Variants in ERF observed in about 807,000 individuals in gnomAD.
ERF encodes the protein ETS2 repressor factor.
A neutral mutation model predicts 41.6 loss-of-function variants in ERF; 10 were observed. The ratio of observed to expected loss-of-function variants is 0.24; its 90% CI spans 0.15 to 0.41. The LOEUF (loss-of-function observed/expected upper bound fraction) is 0.41, where lower values mean the gene tolerates loss of function less well. Ranked by LOEUF, ERF falls within the 10% of genes least tolerant of loss-of-function variation. The pLI is 1.00. For synonymous variants in ERF, 395 were observed against 342.4 expected, an observed-to-expected ratio of 1.15 and a Z score of -1.70; for missense variants, 621 against 763.2, an observed-to-expected ratio of 0.81 and a Z score of 2.19.
chr19:42,251,309 G>A (rs2036441478), intron 1 of ERF: 1 of 986,128 alleles, frequency 1.0e-6, no homozygotes, highest in East Asian at 1.1e-4. Flanking sequence ...GCACCCTGGA[G>A]CTGTCACCCT....
intron 1 of ERF, among the ~76,000 whole-genome samples, chr19:42,253,309 A>G (rs2036475450): frequency 6.6e-6 from 1 of 152,138 alleles, no homozygotes; most frequent in Non-Finnish European, 1.5e-5. Flanking sequence ...CACGGCAGAG[A>G]GAGGGACCGG....
rs890686923 is a variant in ERF, at chr19:42,249,359, C to T, written c.753G>A (p.Ser251=). The change falls in exon 4 of 4, where the codon TCG becomes TCA. Residue 251 remains serine (S), a synonymous_variant. Coordinates refer to ENST00000222329, the MANE Select transcript of ERF (RefSeq NM_006494.4). The surrounding 1 kb of genome is among the most constrained non-coding windows in gnomAD (Gnocchi z 8.6). The part of the protein sequence containing the change: ...GPEPLSPFPV[S]PLAGPGSLLP... ...GCAGGGATCCAGGACCGGCCAGAGGCGACACAGGGAAGGGGCTGAGGGGTT... is the reference window on the plus strand; with the variant it reads ...GCAGGGATCCAGGACCGGCCAGAGGTGACACAGGGAAGGGGCTGAGGGGTT... 3.8e-6 allele frequency: 6 copies of T among 1,575,246 alleles called. No individual in the cohort carries two copies. The highest frequency in any genetic ancestry group is 2.3e-5 in the South Asian group (2 of 86,792).
Position 42,248,572 on chromosome 19 carries a change from G to A in ERF, c.1540C>T (p.Arg514Cys), listed in dbSNP as rs764618715. 1.3e-5 allele frequency: 21 copies of A among 1,571,892 alleles called. No individual in the cohort carries two copies. Among genetic ancestry groups the A allele is most frequent in the African/African-American group, 4.1e-5 (3 of 73,374 alleles). Residue 514 changes from arginine (R) to cysteine (C), a missense_variant, in exon 4 of 4, where the codon CGT (arginine) becomes TGT (cysteine). Physicochemically the swap from Arg to Cys is radical, Grantham distance 180. Around this residue, in one of 3 missense-constraint regions of ERF, gnomAD observed 569 missense variants for 625.5 expected, o/e 0.91. Coordinates refer to ENST00000222329, the MANE Select transcript of ERF (RefSeq NM_006494.4). This position sits in a 1 kb window ranked among gnomAD's most constrained non-coding sequence, Gnocchi z 4.2. The part of the protein sequence containing the change: ...FEDEGEDKKV[R>C]GEGPGEAGGP... ...CCAGCCTCCCCAGGCCCCTCCCCACGCACCTTCTTGTCCTCACCCTCATCC... is the reference window on the plus strand; with the variant it reads ...CCAGCCTCCCCAGGCCCCTCCCCACACACCTTCTTGTCCTCACCCTCATCC...
In ERF at chr19:42,249,739, C is replaced by A; in HGVS notation, c.374-1G>T. 1 of 1,606,374 alleles carries A rather than the reference C, an allele frequency of 6.2e-7. No individual in the cohort carries two copies. On this transcript the variant is annotated splice_acceptor_variant, in intron 3 of 3. Coordinates refer to ENST00000222329, the MANE Select transcript of ERF (RefSeq NM_006494.4). LOFTEE classifies it high-confidence loss of function. The surrounding 1 kb of genome is among the most constrained non-coding windows in gnomAD (Gnocchi z 8.6). Reference sequence around the variant, plus strand: ...GGGGCACTCTGGGGCACTGCACCCCCTGGCAGAAGGGAGACAGTGTCAAGG... The same window carrying A: ...GGGGCACTCTGGGGCACTGCACCCCATGGCAGAAGGGAGACAGTGTCAAGG...
In ERF at chr19:42,250,775, G is replaced by A. The variant is rs1354094855; in HGVS notation, c.23-210C>T. Among the ~76,000 whole-genome samples, 1 of 152,200 alleles carries A rather than the reference G, an allele frequency of 6.6e-6. No homozygotes were observed. The highest frequency in any genetic ancestry group is 2.1e-4 in the South Asian group (1 of 4,812). On this transcript the variant is annotated intron_variant, in intron 1 of 3. Coordinates refer to ENST00000222329, the MANE Select transcript of ERF (RefSeq NM_006494.4). This position sits in a 1 kb window ranked among gnomAD's most constrained non-coding sequence, Gnocchi z 5.1. ...AGGAGCTGGGGGGGAGGGGAAGCTG[G>A]AGCCCGCTCCAGCGACACCGGGAGA... is the stretch of plus-strand genomic sequence containing the variant.
intron 1 of ERF, chr19:42,253,841 C>G (rs999384673): frequency 1.9e-6 from 2 of 1,055,550 alleles, no homozygotes; most frequent in Non-Finnish European, 2.3e-6. Context: ...GGGGCACACA[C>G]CCGCACACAG....
Position 42,250,994 on chromosome 19 carries a change from C to T in ERF, c.23-429G>A, listed in dbSNP as rs570779632. On this transcript the variant is annotated intron_variant, in intron 1 of 3. Transcript: ENST00000222329. This position sits in a 1 kb window ranked among gnomAD's most constrained non-coding sequence, Gnocchi z 5.1. The stretch of plus-strand genomic sequence containing the variant: ...TGCACCACCCCAGCTCCTCGGATGT[C>T]CTCCTTAGAAACATGCACTGTCTCC... Among the ~76,000 whole-genome samples, 4 of 152,262 alleles carry T rather than the reference C, an allele frequency of 2.6e-5. No individual in the cohort carries two copies. Among genetic ancestry groups the T allele is most frequent in the African/African-American group, 9.6e-5 (4 of 41,550 alleles).
rs780879505 is a variant in ERF, at chr19:42,249,873, G to C, written c.327C>G (p.Asn109Lys). ...GKRFTYKFNF[N>K]KLVLVNYPFI... ...ATGGGTAATTGACCAGCACCAGTTT[G>C]TTGAAATTGAACTTGTAGGTGAACC... Residue 109 changes from asparagine (N) to lysine (K), a missense_variant, in exon 3 of 4, where the codon AAC (asparagine) becomes AAG (lysine). Physicochemically the swap from Asn to Lys is moderately conservative, Grantham distance 94. Around this residue, in one of 3 missense-constraint regions of ERF, gnomAD observed 569 missense variants for 625.5 expected, o/e 0.91. Transcript: ENST00000222329. This position sits in a 1 kb window ranked among gnomAD's most constrained non-coding sequence, Gnocchi z 8.6. The C allele has an allele frequency of 1.2e-6, 2 of 1,614,138 alleles. No individual in the cohort carries two copies. The highest frequency in any genetic ancestry group is 8.5e-7 in the Non-Finnish European group (1 of 1,180,020).
chr19:42,248,432 G>T lies in ERF; in HGVS notation c.*33C>A, dbSNP rs573630865. The stretch of plus-strand genomic sequence containing the variant: ...TAAGGCAGCAAAAGAAGCATGGGGG[G>T]TGCGGGGCACACAGGTCCCCTGCCC... On this transcript the variant is annotated 3_prime_UTR_variant, in exon 4 of 4. Coordinates refer to ENST00000222329, the MANE Select transcript of ERF (RefSeq NM_006494.4). This position sits in a 1 kb window ranked among gnomAD's most constrained non-coding sequence, Gnocchi z 4.2. 18 of 1,449,178 alleles carry T rather than the reference G, an allele frequency of 1.2e-5. No homozygotes were observed. The South Asian group carries it at 2.9e-4, about 23-fold the overall frequency. 89.8% of individuals were successfully genotyped at this position (1,449,178 alleles called of 1,614,324 possible).
chr19:42,253,142 G>A (rs1439357238), intron 1 of ERF, among the ~76,000 whole-genome samples: 1 of 152,158 alleles, frequency 6.6e-6, no homozygotes, highest in Non-Finnish European at 1.5e-5. Flanking sequence ...CTCACGTGAC[G>A]GCCCAAACTT....
intron 1 of ERF, chr19:42,253,728 G>C (rs1599828582): frequency 2.6e-6 from 1 of 389,406 alleles, no homozygotes; most frequent in Non-Finnish European, 3.5e-6. Context: ...ATCCCAGCTC[G>C]GAGCCCTTTA....
Position 42,249,946 on chromosome 19 carries a change from T to C in ERF, c.258-4A>G, listed in dbSNP as rs2036416347. 1.2e-6 allele frequency: 2 copies of C among 1,613,690 alleles called. No homozygotes were observed. The highest frequency in any genetic ancestry group is 1.7e-6 in the Non-Finnish European group (2 of 1,179,620). ...AATGCGCTTGTTATAGTAATAGCTG[T>C]GGGTACAGAAATGCCATTGGGAAGG... On this transcript the variant is annotated splice_region_variant and splice_polypyrimidine_tract_variant and intron_variant, in intron 2 of 3. Transcript: ENST00000222329. The surrounding 1 kb of genome is among the most constrained non-coding windows in gnomAD (Gnocchi z 8.6).
Position 42,248,708 on chromosome 19 carries a change from G to A in ERF, c.1404C>T (p.Pro468=), listed in dbSNP as rs768844827. The A allele has an allele frequency of 3.7e-5, 59 of 1,612,356 alleles. No individual in the cohort carries two copies. The highest frequency in any genetic ancestry group is 4.7e-5 in the Non-Finnish European group (55 of 1,178,994). Residue 468 remains proline, a synonymous_variant, in exon 4 of 4, where the codon CCC becomes CCT. Transcript: ENST00000222329. This position sits in a 1 kb window ranked among gnomAD's most constrained non-coding sequence, Gnocchi z 4.2. ...ACTGGGATGCCCCGGGTGCCTCGCC[G>A]GGCTCAGGCTTAGGGGGTGCAGGTG... is the stretch of plus-strand genomic sequence containing the variant. ...RAPPAPPKPE[P]GEAPGASQCM...
In ERF at chr19:42,253,859, AGCCGCCGCC is replaced by A. The variant is rs528615990; in HGVS notation, c.22+1110_22+1118del. The A allele has an allele frequency of 1.5e-3, 1,548 of 1,064,246 alleles. 15 individuals carry two copies. The African/African-American group carries it at 0.019, about 13-fold the overall frequency. The allele number at this position is 1,064,246 out of a possible 1,614,324, so 65.9% of individuals were successfully genotyped here. On this transcript the variant is annotated intron_variant, in intron 1 of 3. Transcript: ENST00000222329. ...GCACACACCCGCACACAGGAGCCCGAGCCGCCGCCGCCGCCGCCGCCGCCGCCGGGGGAA... is the reference window on the plus strand; with the variant it reads ...GCACACACCCGCACACAGGAGCCCGAGCCGCCGCCGCCGCCGCCGGGGGAA...
intron 1 of ERF, chr19:42,253,870 C>T (rs2036488750): frequency 2.8e-6 from 3 of 1,076,048 alleles, no homozygotes; most frequent in Non-Finnish European, 3.4e-6. Flanking sequence ...GCCGCCGCCG[C>T]CGCCGCCGCC....
At position 42,250,631 on chromosome 19, in the gene ERF, C is replaced by G. The variant is rs776450665; in HGVS notation, c.23-66G>C. The G allele has an allele frequency of 2.0e-6, 3 of 1,485,294 alleles. No individual in the cohort carries two copies. Among genetic ancestry groups the G allele is most frequent in the Non-Finnish European group, 2.8e-6 (3 of 1,086,612 alleles). 92.0% of individuals were successfully genotyped at this position (1,485,294 alleles called of 1,614,324 possible). ...CAAGTCCAGGGCTCTGGGTCCCATC[C>G]CAGGGTCCACCTCTGCCCTGCCTTC... is the stretch of plus-strand genomic sequence containing the variant. On this transcript the variant is annotated intron_variant, in intron 1 of 3. Coordinates refer to ENST00000222329, the MANE Select transcript of ERF (RefSeq NM_006494.4). The surrounding 1 kb of genome is among the most constrained non-coding windows in gnomAD (Gnocchi z 5.1).
rs1599828885 is a variant in ERF at position 42,253,852 on chromosome 19, G to A, written c.22+1126C>T. 5.6e-6 allele frequency: 6 copies of A among 1,069,456 alleles called. No homozygotes were observed. In the East Asian group the frequency reaches 3.1e-4, roughly 54 times the overall value. 66.2% of individuals were successfully genotyped at this position (1,069,456 alleles called of 1,614,324 possible). On this transcript the variant is annotated intron_variant, in intron 1 of 3. Transcript: ENST00000222329. ...GGTCGGGGCACACACCCGCACACAG[G>A]AGCCCGAGCCGCCGCCGCCGCCGCC...
At chr19:42,253,612 G>A (rs1235235722) in intron 1 of ERF, among the ~76,000 whole-genome samples, 1 of 152,012 alleles carries the variant, frequency 6.6e-6, no homozygotes, top group Non-Finnish European at 1.5e-5. Context: ...GCGAGTGGAA[G>A]CCGGGGGAGT....
rs529385497 is a variant in ERF, at chr19:42,248,690, T to C, written c.1422A>G (p.Ala474=). 1 of 1,610,618 alleles carries C rather than the reference T, an allele frequency of 6.2e-7. No individual in the cohort carries two copies. Among genetic ancestry groups the C allele is most frequent in the Admixed American group, 1.7e-5 (1 of 59,894 alleles). Residue 474 remains alanine, a synonymous_variant, in exon 4 of 4, where the codon GCA becomes GCG. Transcript: ENST00000222329. This position sits in a 1 kb window ranked among gnomAD's most constrained non-coding sequence, Gnocchi z 4.2. ...GTAGCTTGAGGGGCATGCACTGGGA[T>C]GCCCCGGGTGCCTCGCCGGGCTCAG... is the stretch of plus-strand genomic sequence containing the variant. ...PKPEPGEAPG[A]SQCMPLKLRF... is the part of the protein sequence containing the mutation.
Sources: allele counts gnomAD v4.1 joint callset (sites outside exome capture counted in the v4.1 genomes callset), GRCh38; gene constraint gnomAD v4.1.1; regional missense constraint gnomAD v4.1.1; non-coding constraint Gnocchi (gnomAD v3.1); transcripts MANE v1.5; gene names NCBI Gene and HGNC (gene_info 2026-07-23, HGNC 2026-07-21).